LRPPRC: variants seen among roughly 807,000 people sequenced by gnomAD.
LRPPRC encodes leucine-rich PPR motif-containing protein, mitochondrial.
A neutral mutation model predicts 180.3 loss-of-function variants in LRPPRC; 120 were observed. The observed-to-expected ratio is 0.67, with a 90% CI of 0.57 to 0.77. LRPPRC has a LOEUF of 0.77. Ranked by LOEUF, LRPPRC falls within the 30% of genes least tolerant of loss-of-function variation. The pLI is 0.00. For missense variants in LRPPRC, 2,012 were observed against 1,657.2 expected (o/e 1.21, Z -3.72); for synonymous variants, 723 against 600.0 (o/e 1.21, Z -3.00).
At chr2:43,974,470 T>C in intron 8 of LRPPRC, 144 bp downstream of exon 8, 1 of 799,176 alleles carries the variant, frequency 1.3e-6, no homozygotes, top group South Asian at 1.6e-5. Flanking sequence ...CATTAACTCA[T>C]GTTTTTGGGC....
chr2:43,919,945 C>CTAAAAAATACTAAAAAA (rs1671636230), intron 27 of LRPPRC, among the ~76,000 whole-genome samples: 1 of 151,740 alleles, frequency 6.6e-6, no homozygotes, highest in Non-Finnish European at 1.5e-5. Flanking sequence ...ATACTAAAAA[C>CTAAAAAATACTAAAAAA]ACGTAGGATT....
At chr2:43,924,408 G>T (rs1183714942) in intron 27 of LRPPRC, among the ~76,000 whole-genome samples, 1 of 152,162 alleles carries the variant, frequency 6.6e-6, no homozygotes, top group Admixed American at 6.5e-5. Flanking sequence ...TCAAAAAACA[G>T]TTAAGGATGT....
Position 43,977,135 on chromosome 2 carries a change from T to C in LRPPRC, c.591+20A>G. On this transcript the variant is annotated intron_variant, in intron 4 of 37. Coordinates refer to ENST00000260665, the MANE Select transcript of LRPPRC (RefSeq NM_133259.4). ...AAAAATGGTGGATGTGAAAATATAT[T>C]CACAATAGCAACTACTTACTCGATT... The C allele has an allele frequency of 1.9e-6, 3 of 1,611,506 alleles. No individual in the cohort carries two copies. Among genetic ancestry groups the C allele is most frequent in the Non-Finnish European group, 2.5e-6 (3 of 1,177,792 alleles).
intron 27 of LRPPRC, among the ~76,000 whole-genome samples, chr2:43,920,681 AT>A (rs1329767573): frequency 1.8e-5 from 2 of 112,106 alleles, no homozygotes; most frequent in African/African-American, 3.7e-5. Flanking sequence ...AACTTATTTG[AT>A]TTAAAAAAAA....
chr2:43,957,399 C>A lies in LRPPRC; in HGVS notation c.1635G>T (p.Leu545=), dbSNP rs778586159. The change falls in exon 14 of 38, where the codon CTG becomes CTT. Residue 545 remains leucine, a synonymous_variant. Coordinates refer to ENST00000260665, the MANE Select transcript of LRPPRC (RefSeq NM_133259.4). Reference sequence around the variant, plus strand: ...GATCATCTTACCTCCTGAAGCCTAGCAGTAGGCTACTTCTTATAGACTGCA... The same window carrying A: ...GATCATCTTACCTCCTGAAGCCTAGAAGTAGGCTACTTCTTATAGACTGCA... ...ISLQSIRSSL[L]LGFRRSMNIN... The A allele has an allele frequency of 6.2e-6, 10 of 1,611,362 alleles. No homozygotes were observed. In the African/African-American group the frequency reaches 1.3e-4, roughly 22 times the overall value.
At chr2:43,961,949 C>A (rs1423336483) in intron 12 of LRPPRC, among the ~76,000 whole-genome samples, 3 of 152,096 alleles carry the variant, frequency 2.0e-5, no homozygotes, top group Non-Finnish European at 4.4e-5. Context: ...GGCGACAGAG[C>A]AAGACTCTGC....
intron 30 of LRPPRC, among the ~76,000 whole-genome samples, chr2:43,909,124 T>G (rs1421622870): frequency 6.6e-6 from 1 of 152,202 alleles, no homozygotes; most frequent in Non-Finnish European, 1.5e-5. Context: ...GTAACATAGT[T>G]AGTTGGATAA....
At chr2:43,995,754 A>C (rs1293548165) in intron 1 of LRPPRC, 45 bp downstream of exon 1, 1 of 1,344,962 alleles carries the variant, frequency 7.4e-7, no homozygotes, top group Non-Finnish European at 9.5e-7. Context: ...ACCCCGGGGG[A>C]CCCTGGCGCC....
In LRPPRC at chr2:43,974,495, TTA is replaced by T. The variant is rs567246857; in HGVS notation, c.1009+117_1009+118del. ...TGTTTTTGGGCTTATTTAACTGACTTTAAGAGTTCTATGTTCAACTCCCACAA... is the reference window on the plus strand; with the variant it reads ...TGTTTTTGGGCTTATTTAACTGACTTAGAGTTCTATGTTCAACTCCCACAA... On this transcript the variant is annotated intron_variant, in intron 8 of 37. Transcript: ENST00000260665. 336 of 853,422 alleles carry T rather than the reference TTA, an allele frequency of 3.9e-4. 3 individuals carry two copies. The South Asian group carries it at 5.1e-3, about 13-fold the overall frequency. 52.9% of individuals were successfully genotyped at this position (853,422 alleles called of 1,614,324 possible).
intron 13 of LRPPRC, among the ~76,000 whole-genome samples, chr2:43,958,389 C>A (rs1376854959): frequency 6.6e-6 from 1 of 152,122 alleles, no homozygotes; most frequent in Non-Finnish European, 1.5e-5. Context: ...TACCTGGTTT[C>A]ATTAAAGAAA....
rs191064173 is a variant in LRPPRC, at chr2:43,963,929, A to G, written c.1370-223T>C. On this transcript the variant is annotated intron_variant, in intron 11 of 37. Transcript: ENST00000260665. ...GTGAAACAGTAAATTTCAAGAAACT[A>G]TCCTTGAAATTATAAGTATAAAGAA... is the stretch of plus-strand genomic sequence containing the variant. 293 of 575,990 alleles carry G rather than the reference A, an allele frequency of 5.1e-4. 3 individuals carry two copies. The East Asian group carries it at 7.1e-3, about 14-fold the overall frequency. 35.7% of individuals were successfully genotyped at this position (575,990 alleles called of 1,614,324 possible). A position where few individuals can be genotyped will look rare whatever the true frequency, so the allele number is the denominator to read the frequency against.
At chr2:43,962,810 A>G (rs76690757) in intron 12 of LRPPRC, among the ~76,000 whole-genome samples, 2,774 of 152,314 alleles carry the variant, frequency 0.018, 98 homozygotes, top group African/African-American at 0.063. Context: ...ATAATATTCA[A>G]AAAGTGAAAA....
At chr2:43,891,403 C>T (rs1466620801) in intron 36 of LRPPRC, among the ~76,000 whole-genome samples, 5 of 152,218 alleles carry the variant, frequency 3.3e-5, no homozygotes, top group African/African-American at 1.2e-4. Context: ...CTGCCTTGGG[C>T]AAGTCTATCA....
At chr2:43,939,462 G>A (rs1158709871) in intron 23 of LRPPRC, among the ~76,000 whole-genome samples, 1 of 151,976 alleles carries the variant, frequency 6.6e-6, no homozygotes, top group African/African-American at 2.4e-5. Context: ...CTACAGAAAA[G>A]AAGGGCTGTG....
intron 1 of LRPPRC, among the ~76,000 whole-genome samples, chr2:43,982,913 C>T (rs1674374732): frequency 6.7e-6 from 1 of 149,942 alleles, no homozygotes; most frequent in South Asian, 2.1e-4. Flanking sequence ...GACCAATGTC[C>T]AGGCTAAAAC....
intron 27 of LRPPRC, among the ~76,000 whole-genome samples, 166 bp downstream of exon 27, chr2:43,924,901 G>A (rs1046089602): frequency 2.6e-5 from 4 of 152,166 alleles, no homozygotes; most frequent in African/African-American, 7.2e-5. Context: ...CTAGTGCTAC[G>A]ATATAACATT....
At chr2:43,974,857 T>C (rs940111710) in intron 7 of LRPPRC, 99 bp from the exon 8 acceptor site, 9 of 1,254,174 alleles carry the variant, frequency 7.2e-6, no homozygotes, top group Non-Finnish European at 9.3e-6. Context: ...TAGGGAAAAA[T>C]ACCACCTAAA....
At position 43,987,323 on chromosome 2, in the gene LRPPRC, G is replaced by A. The variant is rs151116631; in HGVS notation, c.150-4889C>T. On this transcript the variant is annotated intron_variant, in intron 1 of 37. Coordinates refer to ENST00000260665, the MANE Select transcript of LRPPRC (RefSeq NM_133259.4). Reference sequence around the variant, plus strand: ...ATCCTGGCTAACAAGGCGAAACCCCGTCTCTAATAAGAATACAAAAAATTA... The same window carrying A: ...ATCCTGGCTAACAAGGCGAAACCCCATCTCTAATAAGAATACAAAAAATTA... Among the ~76,000 whole-genome samples the A allele has an allele frequency of 3.3e-5, 5 of 151,738 alleles. No individual in the cohort carries two copies. In the East Asian group the frequency reaches 9.7e-4, roughly 29 times the overall value.
At chr2:43,909,018 C>T (rs1671160656) in intron 30 of LRPPRC, among the ~76,000 whole-genome samples, 1 of 152,186 alleles carries the variant, frequency 6.6e-6, no homozygotes, top group Admixed American at 6.5e-5. Flanking sequence ...TTGTTTTTCA[C>T]TCTGATCACT....
Sources: allele counts gnomAD v4.1 joint callset (sites outside exome capture counted in the v4.1 genomes callset), GRCh38; gene constraint gnomAD v4.1.1; transcripts MANE v1.5; gene names NCBI Gene and HGNC (gene_info 2026-07-23, HGNC 2026-07-21).